The following SNTG1 variants were observed in gnomAD, a reference collection of about 807,000 sequenced individuals.
SNTG1 encodes the protein gamma-1-syntrophin.
A neutral mutation model predicts 74.7 loss-of-function variants in SNTG1; 39 were observed. The observed-to-expected ratio is 0.52, with a 90% confidence interval of 0.40 to 0.68. The LOEUF is 0.68. SNTG1 is among the 30% of genes least tolerant of loss of function. The pLI is 0.00. For missense variants in SNTG1, 685 were observed against 609.5 expected, an observed-to-expected ratio of 1.12 and a Z score of -1.30; for synonymous variants, 254 against 217.1, an observed-to-expected ratio of 1.17 and a Z score of -1.49.
chr8:50,293,467 T>C (rs1379945983), intron 2 of SNTG1, among the ~76,000 whole-genome samples: 1 of 151,364 alleles, frequency 6.6e-6, no homozygotes, highest in African/African-American at 2.4e-5. Flanking sequence ...TGGAGTGCAG[T>C]GGCATGATCT....
At chr8:50,548,772 A>G (rs1231566095) in intron 11 of SNTG1, among the ~76,000 whole-genome samples, 1 of 152,198 alleles carries the variant, frequency 6.6e-6, no homozygotes, top group African/African-American at 2.4e-5. Context: ...ATCTCATGGA[A>G]TAGATGGCAC....
intron 12 of SNTG1, among the ~76,000 whole-genome samples, chr8:50,564,440 A>G (rs1236399698): frequency 1.3e-5 from 2 of 152,134 alleles, no homozygotes; most frequent in Non-Finnish European, 2.9e-5. Flanking sequence ...TCATGGTGGC[A>G]ATAGTAAATA....
intron 1 of SNTG1, among the ~76,000 whole-genome samples, chr8:50,046,424 C>T (rs1819089816): frequency 6.6e-6 from 1 of 152,146 alleles, no homozygotes; most frequent in Admixed American, 6.5e-5. Flanking sequence ...GTTGCAAGCT[C>T]ATAATTTGTA....
chr8:50,423,279 T>C (rs1465779572), intron 4 of SNTG1, among the ~76,000 whole-genome samples: 1 of 152,220 alleles, frequency 6.6e-6, no homozygotes, highest in Non-Finnish European at 1.5e-5. Flanking sequence ...TGTTCTCTGT[T>C]ATGTTTATAG....
At chr8:49,994,250 A>C (rs950261694) in intron 1 of SNTG1, among the ~76,000 whole-genome samples, 31 of 133,718 alleles carry the variant, frequency 2.3e-4, no homozygotes, top group African/African-American at 7.7e-4. Context: ...TATTATTTTT[A>C]TTCTTCTTTT....
At chr8:50,113,131 G>A (rs1370641040) in intron 1 of SNTG1, among the ~76,000 whole-genome samples, 1 of 152,058 alleles carries the variant, frequency 6.6e-6, no homozygotes, top group South Asian at 2.1e-4. Context: ...TTCCAATTCT[G>A]TGAAGAAAGT....
chr8:50,527,804 A>G (rs2094234176), intron 9 of SNTG1, among the ~76,000 whole-genome samples: 1 of 151,430 alleles, frequency 6.6e-6, no homozygotes, highest in Non-Finnish European at 1.5e-5. Flanking sequence ...AAATTTATAA[A>G]CAATTTGGAG....
At chr8:50,246,122 T>A (rs541950434) in intron 2 of SNTG1, among the ~76,000 whole-genome samples, 6 of 149,706 alleles carry the variant, frequency 4.0e-5, no homozygotes, top group African/African-American at 1.5e-4. Flanking sequence ...TGATACTAGA[T>A]GCATAAAATG....
intron 15 of SNTG1, among the ~76,000 whole-genome samples, chr8:50,665,189 G>A (rs1038699672): frequency 2.0e-5 from 3 of 152,064 alleles, no homozygotes; most frequent in Admixed American, 2.0e-4. Flanking sequence ...GGTTGAATGA[G>A]GAGGGTATTC....
chr8:50,499,560 A>T (rs926404446), intron 8 of SNTG1, among the ~76,000 whole-genome samples: 10 of 151,600 alleles, frequency 6.6e-5, no homozygotes, highest in African/African-American at 2.4e-4. Context: ...ACCTTTATGG[A>T]AATGTTGACT....
chr8:50,264,163 T>C (rs567862620), intron 2 of SNTG1, among the ~76,000 whole-genome samples: 7 of 152,180 alleles, frequency 4.6e-5, no homozygotes, highest in African/African-American at 1.7e-4. Flanking sequence ...ATACCAAAAC[T>C]TACGGGATCC....
At chr8:50,484,466 C>T (rs1217592858) in intron 8 of SNTG1, among the ~76,000 whole-genome samples, 13 of 151,580 alleles carry the variant, frequency 8.6e-5, no homozygotes, top group African/African-American at 2.4e-4. Flanking sequence ...CTACCTGTCT[C>T]GGCCTCCCAA....
intron 1 of SNTG1, among the ~76,000 whole-genome samples, chr8:50,044,907 A>T (rs537466186): frequency 6.6e-6 from 1 of 151,580 alleles, no homozygotes; most frequent in East Asian, 1.9e-4. Flanking sequence ...ATTAAAATAG[A>T]TGATATTTGC....
chr8:50,760,504 G>T (rs12114690), intron 18 of SNTG1, among the ~76,000 whole-genome samples: 17,805 of 151,806 alleles, frequency 0.12, 3,117 homozygotes, highest in African/African-American at 0.38. Flanking sequence ...ATTATTTTGA[G>T]ATATGTTCCA....
intron 12 of SNTG1, among the ~76,000 whole-genome samples, chr8:50,556,103 T>C (rs2094454088): frequency 6.6e-6 from 1 of 152,176 alleles, no homozygotes; most frequent in African/African-American, 2.4e-5. Context: ...TAAAAATACC[T>C]AGGCAAACAC....
chr8:50,767,052 T>C (rs1243006303), intron 18 of SNTG1, among the ~76,000 whole-genome samples: 1 of 151,968 alleles, frequency 6.6e-6, no homozygotes, highest in Non-Finnish European at 1.5e-5. Context: ...CAACGTTTCT[T>C]TCCTTTTCTA....
At chr8:50,369,535 G>A (rs1225786379) in intron 2 of SNTG1, among the ~76,000 whole-genome samples, 1 of 151,962 alleles carries the variant, frequency 6.6e-6, no homozygotes, top group Non-Finnish European at 1.5e-5. Flanking sequence ...GGCAGAGGTT[G>A]CAGTGAGCTA....
At chr8:50,376,134 A>T (rs2092374365) in intron 2 of SNTG1, among the ~76,000 whole-genome samples, 1 of 152,126 alleles carries the variant, frequency 6.6e-6, no homozygotes, top group Admixed American at 6.5e-5. Flanking sequence ...ATAGAGGGAG[A>T]AAAAAGAGCT....
At chr8:50,419,273 A>G (rs2093051868) in intron 4 of SNTG1, among the ~76,000 whole-genome samples, 1 of 152,170 alleles carries the variant, frequency 6.6e-6, no homozygotes, top group Admixed American at 6.5e-5. Context: ...AAAATACCAC[A>G]CACACACACA....
Sources: gnomAD v4.1 joint callset for allele counts (sites outside exome capture counted in the v4.1 genomes callset) on GRCh38, gnomAD v4.1.1 for gene constraint, MANE v1.5 for transcripts, NCBI Gene and HGNC (gene_info 2026-07-23, HGNC 2026-07-21) for gene names.